PPARGC1A: variants seen among roughly 807,000 people sequenced by gnomAD.
PPARGC1A encodes the protein peroxisome proliferator-activated receptor gamma coactivator 1-alpha.
PPARGC1A carries 25 observed loss-of-function variants against 88.7 expected under a neutral mutation model. The ratio of observed to expected loss-of-function variants is 0.28; its 90% CI spans 0.21 to 0.39. The LOEUF (loss-of-function observed/expected upper bound fraction) is 0.39. PPARGC1A is among the 10% of genes least tolerant of loss of function. PPARGC1A has a pLI of 1.00. For synonymous variants in PPARGC1A, 363 were observed against 355.6 expected (o/e 1.02, Z -0.24); for missense variants, 880 against 968.7 (o/e 0.91, Z 1.22).
chr4:24,314,706 AT>A, the PPARGC1A span, among the ~76,000 whole-genome samples: 2 of 152,180 alleles, frequency 1.3e-5, no homozygotes, highest in South Asian at 4.1e-4. Flanking sequence ...ACTATATTTT[AT>A]TATTTGTTTT....
chr4:24,260,730 T>A, the PPARGC1A span, among the ~76,000 whole-genome samples: 1,258 of 152,112 alleles, frequency 8.3e-3, 9 homozygotes, highest in Non-Finnish European at 0.014. Context: ...TTTTTTTTTT[T>A]AACTGCTATG....
At chr4:24,247,908 C>T in the PPARGC1A span, among the ~76,000 whole-genome samples, 1 of 152,080 alleles carries the variant, frequency 6.6e-6, no homozygotes, top group Non-Finnish European at 1.5e-5. Context: ...CAACAGCGTC[C>T]CCACTGCCCT....
chr4:24,253,878 T>C, the PPARGC1A span, among the ~76,000 whole-genome samples: 1 of 152,212 alleles, frequency 6.6e-6, no homozygotes, highest in Non-Finnish European at 1.5e-5. Context: ...TCTCCAAGCA[T>C]GTATGGAATC....
the PPARGC1A span, among the ~76,000 whole-genome samples, chr4:24,136,368 T>C: frequency 6.6e-6 from 1 of 152,214 alleles, no homozygotes; most frequent in Non-Finnish European, 1.5e-5. Context: ...TGGAAAGACG[T>C]AGAGTTACAG....
the PPARGC1A span, among the ~76,000 whole-genome samples, chr4:24,387,762 GAGAGAGAAAGAAAGAA>G: frequency 2.3e-3 from 171 of 73,014 alleles, 2 homozygotes; most frequent in South Asian, 3.2e-3. Context: ...GAGAGAGAGA[GAGAGAGAAAGAAAGAA>G]AGAAAGAAAG....
the PPARGC1A span, among the ~76,000 whole-genome samples, chr4:24,180,103 G>A: frequency 0.024 from 3,725 of 152,074 alleles, 70 homozygotes; most frequent in East Asian, 0.058. Context: ...TTTGAGCTCC[G>A]AAAATATAAT....
the PPARGC1A span, among the ~76,000 whole-genome samples, chr4:24,205,980 C>G: frequency 9.9e-5 from 15 of 152,158 alleles, no homozygotes; most frequent in African/African-American, 3.6e-4. Context: ...AAAGGCAAGG[C>G]AAAGTCCAGC....
chr4:24,190,683 C>T, the PPARGC1A span, among the ~76,000 whole-genome samples: 1 of 152,170 alleles, frequency 6.6e-6, no homozygotes, highest in Non-Finnish European at 1.5e-5. Flanking sequence ...GTGACTTCCT[C>T]CATGCCATGT....
intron 10 of PPARGC1A, among the ~76,000 whole-genome samples, chr4:23,810,828 T>C (rs1314557151): frequency 6.6e-6 from 1 of 152,236 alleles, no homozygotes; most frequent in African/African-American, 2.4e-5. Context: ...TCTTTTGTAA[T>C]GATTATAATG....
chr4:24,157,320 A>G, the PPARGC1A span, among the ~76,000 whole-genome samples: 1 of 152,144 alleles, frequency 6.6e-6, no homozygotes, highest in Non-Finnish European at 1.5e-5. Context: ...TCTTCTCTGA[A>G]TCGATCTGCA....
At chr4:24,093,555 A>G in the PPARGC1A span, among the ~76,000 whole-genome samples, 1 of 152,184 alleles carries the variant, frequency 6.6e-6, no homozygotes, top group South Asian at 2.1e-4. Context: ...GAAAGGCCAG[A>G]AGACCAAGTT....
upstream of PPARGC1A, among the ~76,000 whole-genome samples, chr4:23,901,910 G>A (rs1719435522): frequency 6.6e-6 from 1 of 151,908 alleles, no homozygotes; most frequent in Non-Finnish European, 1.5e-5. Flanking sequence ...GCAATTTTCT[G>A]TGTAGTGAAA....
the PPARGC1A span, among the ~76,000 whole-genome samples, chr4:24,139,317 T>C: frequency 3.9e-5 from 6 of 152,010 alleles, no homozygotes; most frequent in African/African-American, 1.5e-4. Context: ...GTGTTTTTAG[T>C]AGAGACGGGG....
chr4:24,137,666 C>T, the PPARGC1A span, among the ~76,000 whole-genome samples: 1 of 152,230 alleles, frequency 6.6e-6, no homozygotes, highest in South Asian at 2.1e-4. Context: ...AATGGCAGCA[C>T]AGTGGGCATA....
chr4:24,472,454 C>A, the PPARGC1A span, among the ~76,000 whole-genome samples: 1 of 152,124 alleles, frequency 6.6e-6, no homozygotes, highest in Non-Finnish European at 1.5e-5. The surrounding 1 kb of genome is among the most constrained non-coding windows in gnomAD (Gnocchi z 4.5). Flanking sequence ...CAGCCCGCAG[C>A]CCGCCATGCT....
At chr4:24,191,387 G>T in the PPARGC1A span, among the ~76,000 whole-genome samples, 4 of 152,178 alleles carry the variant, frequency 2.6e-5, no homozygotes, top group Non-Finnish European at 2.9e-5. Flanking sequence ...ATTCGCAAAA[G>T]GTTACATGAC....
the PPARGC1A span, among the ~76,000 whole-genome samples, chr4:24,333,551 G>A: frequency 6.6e-6 from 1 of 152,170 alleles, no homozygotes; most frequent in Non-Finnish European, 1.5e-5. Flanking sequence ...GAGGCAGAGA[G>A]CAAGTTAGAA....
At chr4:23,904,454 A>T (rs1560544001), upstream of PPARGC1A, among the ~76,000 whole-genome samples, 1 of 152,210 alleles carries the variant, frequency 6.6e-6, no homozygotes, top group African/African-American at 2.4e-5. Context: ...CAGGACATCC[A>T]TCCATGCCCA....
At chr4:23,893,925 A>G (rs1560528941), upstream of PPARGC1A, among the ~76,000 whole-genome samples, 2 of 152,100 alleles carry the variant, frequency 1.3e-5, no homozygotes, top group Non-Finnish European at 2.9e-5. Flanking sequence ...CATATACCAC[A>G]TCTCAGTCAA....
Sources: gnomAD v4.1 joint callset for allele counts (sites outside exome capture counted in the v4.1 genomes callset) on GRCh38, gnomAD v4.1.1 for gene constraint, Gnocchi (gnomAD v3.1) non-coding constraint, MANE v1.5 for transcripts, NCBI Gene and HGNC (gene_info 2026-07-23, HGNC 2026-07-21) for gene names.